Variants in CPA6 observed in about 807,000 individuals in gnomAD.
The protein encoded by CPA6 is carboxypeptidase A6.
A neutral mutation model predicts 63.3 loss-of-function variants in CPA6; 58 were observed. The observed-to-expected ratio is 0.92, with a 90% CI of 0.74 to 1.14. The LOEUF (loss-of-function observed/expected upper bound fraction) is 1.14. Among genes scored for constraint, CPA6 ranks in the 50% most tolerant of loss-of-function variants. CPA6 has a pLI of 0.00. For synonymous variants in CPA6, 185 were observed against 179.0 expected (o/e 1.03, Z -0.27); for missense variants, 565 against 526.6 (o/e 1.07, Z -0.71).
At chr8:67,673,900 T>C (rs1040040094) in intron 1 of CPA6, among the ~76,000 whole-genome samples, 3 of 152,208 alleles carry the variant, frequency 2.0e-5, no homozygotes, top group Admixed American at 1.3e-4. Context: ...AATTGTTATA[T>C]ATAGAACATT....
At chr8:67,478,430 G>T (rs1336694716) in intron 8 of CPA6, among the ~76,000 whole-genome samples, 3 of 152,330 alleles carry the variant, frequency 2.0e-5, no homozygotes, top group Non-Finnish European at 4.4e-5. Flanking sequence ...TTTATAGCCA[G>T]TCAGTCAGAA....
At chr8:67,662,891 T>G (rs1171867259) in intron 1 of CPA6, among the ~76,000 whole-genome samples, 1 of 152,100 alleles carries the variant, frequency 6.6e-6, no homozygotes, top group Admixed American at 6.5e-5. Context: ...CTTAACAACC[T>G]CAATTAGAGC....
intron 1 of CPA6, among the ~76,000 whole-genome samples, chr8:67,664,463 C>A (rs1043906214): frequency 6.6e-6 from 1 of 152,178 alleles, no homozygotes; most frequent in East Asian, 1.9e-4. Context: ...GTACTGTGCC[C>A]AAATGTAGCA....
intron 8 of CPA6, among the ~76,000 whole-genome samples, chr8:67,436,195 T>G (rs1055376169): frequency 7.9e-5 from 12 of 152,080 alleles, no homozygotes. Flanking sequence ...TGCCCAGGCC[T>G]TTGGCACAGA....
intron 1 of CPA6, among the ~76,000 whole-genome samples, chr8:67,740,154 A>G (rs1028766109): frequency 6.6e-6 from 1 of 152,234 alleles, no homozygotes; most frequent in Non-Finnish European, 1.5e-5. Flanking sequence ...GGAAGGAGGC[A>G]CTGCTGATGA....
chr8:67,695,626 G>T lies in CPA6; in HGVS notation c.116+50388C>A, dbSNP rs762155601. On this transcript the variant is annotated intron_variant, in intron 1 of 10. Transcript: ENST00000297770. Reference sequence around the variant, plus strand: ...AGTGTGGCAACTGGCTCACGCTCATGGAATTCATTGGTCTTACCATGTTCC... The same window carrying T: ...AGTGTGGCAACTGGCTCACGCTCATTGAATTCATTGGTCTTACCATGTTCC... Among the ~76,000 whole-genome samples the T allele has an allele frequency of 4.5e-4, 68 of 152,214 alleles. 1 individual carries two copies. The highest frequency in any genetic ancestry group is 5.4e-4 in the Non-Finnish European group (37 of 68,042).
At chr8:67,635,303 C>T (rs1815443149) in intron 1 of CPA6, among the ~76,000 whole-genome samples, 1 of 151,698 alleles carries the variant, frequency 6.6e-6, no homozygotes, top group Non-Finnish European at 1.5e-5. Flanking sequence ...TTGCTGCTGG[C>T]ATTTTTTCTT....
intron 1 of CPA6, among the ~76,000 whole-genome samples, chr8:67,687,041 C>A (rs1202738118): frequency 6.6e-6 from 1 of 152,222 alleles, no homozygotes; most frequent in Non-Finnish European, 1.5e-5. Context: ...CCACCTGCAC[C>A]TGTCAGGGTT....
intron 1 of CPA6, among the ~76,000 whole-genome samples, chr8:67,654,095 C>G (rs1317452507): frequency 1.3e-5 from 2 of 152,154 alleles, no homozygotes; most frequent in Non-Finnish European, 2.9e-5. Flanking sequence ...ATGAAGCCCA[C>G]TTGATCATGG....
chr8:67,450,783 A>T lies in CPA6; in HGVS notation c.839-16543T>A, dbSNP rs555659496. Among the ~76,000 whole-genome samples, 9 of 152,274 alleles carry T rather than the reference A, an allele frequency of 5.9e-5. No homozygotes were observed. The East Asian group carries it at 1.7e-3, about 29-fold the overall frequency. On this transcript the variant is annotated intron_variant, in intron 8 of 10. Transcript: ENST00000297770. ...AGAATCCTCGCTAGATCCAACCAAC[A>T]CCAACTTTCTTTAGGTAAGCTTGGG...
intron 1 of CPA6, among the ~76,000 whole-genome samples, chr8:67,671,835 T>C (rs369440216): frequency 1.4e-4 from 22 of 152,320 alleles, no homozygotes; most frequent in East Asian, 5.8e-4. Flanking sequence ...AATTTTATTG[T>C]ATTTTATGTT....
chr8:67,476,091 G>C (rs905242481), intron 8 of CPA6, among the ~76,000 whole-genome samples: 1 of 150,368 alleles, frequency 6.7e-6, no homozygotes, highest in African/African-American at 2.5e-5. Flanking sequence ...CTTGGCTCAC[G>C]GCAACCGTTC....
chr8:67,475,887 T>C (rs1408548291), intron 8 of CPA6, among the ~76,000 whole-genome samples: 3 of 54,038 alleles, frequency 5.6e-5, no homozygotes, highest in Non-Finnish European at 1.1e-4. Context: ...TTCTCCTTTC[T>C]TTCTTTCTTT....
At chr8:67,586,111 AAT>A (rs1813926344) in intron 2 of CPA6, among the ~76,000 whole-genome samples, 1 of 152,164 alleles carries the variant, frequency 6.6e-6, no homozygotes, top group Non-Finnish European at 1.5e-5. Flanking sequence ...AGGAGTAGGC[AAT>A]AAGTGATTTT....
chr8:67,618,422 C>T (rs1815006520), intron 2 of CPA6, among the ~76,000 whole-genome samples: 4 of 152,154 alleles, frequency 2.6e-5, no homozygotes, highest in Admixed American at 2.6e-4. Flanking sequence ...GAGAAGACAG[C>T]AGTCAACTAC....
At chr8:67,534,094 A>T (rs1812533074) in intron 2 of CPA6, among the ~76,000 whole-genome samples, 1 of 152,226 alleles carries the variant, frequency 6.6e-6, no homozygotes. Flanking sequence ...AAGCTTGTAG[A>T]TTCCCCAATG....
chr8:67,712,325 A>G (rs2129000463), intron 1 of CPA6, among the ~76,000 whole-genome samples: 1 of 152,286 alleles, frequency 6.6e-6, no homozygotes, highest in South Asian at 2.1e-4. Context: ...CCCTCAGGGA[A>G]CTGCTAGCCG....
intron 1 of CPA6, among the ~76,000 whole-genome samples, chr8:67,654,497 C>T (rs28640099): frequency 0.63 from 95,013 of 151,848 alleles, 30,508 homozygotes; most frequent in African/African-American, 0.78. Context: ...GAGGAATTTA[C>T]CCATTTCTTC....
chr8:67,684,765 G>A (rs952424739), intron 1 of CPA6, among the ~76,000 whole-genome samples: 3 of 152,044 alleles, frequency 2.0e-5, no homozygotes, highest in Non-Finnish European at 2.9e-5. Context: ...AAAATCCAGC[G>A]TTAGCAAAGA....
Sources: gnomAD v4.1 joint callset for allele counts (sites outside exome capture counted in the v4.1 genomes callset) on GRCh38, gnomAD v4.1.1 for gene constraint, MANE v1.5 for transcripts, NCBI Gene and HGNC (gene_info 2026-07-23, HGNC 2026-07-21) for gene names.